Variants in ZNF536 observed in about 807,000 individuals in gnomAD.
ZNF536 encodes the protein zinc finger protein 536.
Under a neutral mutation model 84.5 loss-of-function variants are expected in ZNF536, and 13 were observed. That is an observed-to-expected ratio of 0.15 (90% CI 0.10 to 0.24). The LOEUF is 0.24. Ranked by LOEUF, ZNF536 falls within the 10% of genes least tolerant of loss-of-function variation. ZNF536 has a pLI of 1.00. For synonymous variants in ZNF536, 811 were observed against 742.5 expected (o/e 1.09, Z -1.50); for missense variants, 1,536 against 1,747.5 (o/e 0.88, Z 2.16).
intron 2 of ZNF536, among the ~76,000 whole-genome samples, chr19:30,456,915 G>C (rs556947296): frequency 6.1e-4 from 93 of 152,066 alleles, no homozygotes; most frequent in Admixed American, 1.2e-3. Context: ...GGTGGTGGGC[G>C]CCTGTAATCC....
intron 1 of ZNF536, among the ~76,000 whole-genome samples, chr19:30,431,706 A>C (rs916361860): frequency 1.3e-5 from 2 of 152,158 alleles, no homozygotes; most frequent in African/African-American, 4.8e-5. Flanking sequence ...AGGAGCAGGG[A>C]GGTGTAGCCT....
At chr19:30,395,377 G>A (rs2049772641) in intron 1 of ZNF536, among the ~76,000 whole-genome samples, 1 of 152,206 alleles carries the variant, frequency 6.6e-6, no homozygotes, top group Admixed American at 6.5e-5. Flanking sequence ...CTGGTTTGGG[G>A]TGGACCAGTT....
chr19:30,634,011 C>A (rs1248032066), intron 1 of ZNF536, among the ~76,000 whole-genome samples: 3 of 152,062 alleles, frequency 2.0e-5, no homozygotes, highest in Non-Finnish European at 2.9e-5. Context: ...TAAGCATGTG[C>A]CTGAAGTGAC....
intron 2 of ZNF536, among the ~76,000 whole-genome samples, chr19:30,478,715 C>G (rs1377570434): frequency 1.3e-5 from 2 of 152,128 alleles, no homozygotes. Context: ...GTGCATGGTC[C>G]CAGGATTCCT....
chr19:30,445,491 C>T lies in ZNF536; in HGVS notation c.1929C>T (p.Tyr643=), dbSNP rs2148226900. ...CPDCGRVFRT[Y]HQVVVHSRVH... ...ACTGCGGCCGGGTGTTCCGCACTTA[C>T]CACCAGGTGGTCGTGCACTCCCGTG... The change falls in exon 2 of 5, where the codon TAC becomes TAT. Residue 643 remains tyrosine (Y), a synonymous_variant. Coordinates refer to ENST00000355537, the MANE Select transcript of ZNF536 (RefSeq NM_014717.3). This position sits in a 1 kb window ranked among gnomAD's most constrained non-coding sequence, Gnocchi z 4.5. 6.2e-7 allele frequency: 1 copy of T among 1,614,152 alleles called. No individual in the cohort carries two copies. Among genetic ancestry groups the T allele is most frequent in the Non-Finnish European group, 8.5e-7 (1 of 1,180,034 alleles).
chr19:30,614,942 A>ATTTTTTTTTTTT lies in ZNF536; in HGVS notation c.169+65439_169+65450dup, dbSNP rs555419932. ...TTTTCTTTTATTCTCCCCCTTTTCA[A>ATTTTTTTTTTTT]TTTTTTTTTTTTTTTTTTTTTTGAG... On this transcript the variant is annotated intron_variant, in intron 1 of 1. Coordinates refer to the ZNF536 transcript ENST00000592773. Among the ~76,000 whole-genome samples, 47 of 32,310 alleles carry ATTTTTTTTTTTT rather than the reference A, an allele frequency of 1.5e-3. 8 individuals carry two copies. The highest frequency in any genetic ancestry group is 9.0e-3 in the East Asian group (3 of 334). 21.2% of individuals were successfully genotyped at this position (32,310 alleles called of 152,430 possible).
intron 2 of ZNF536, among the ~76,000 whole-genome samples, chr19:30,506,120 T>A (rs189295961): frequency 1.7e-3 from 262 of 152,142 alleles, no homozygotes; most frequent in African/African-American, 6.1e-3. Context: ...TGATTTCATT[T>A]ATGGAAAATG....
intron 2 of ZNF536, among the ~76,000 whole-genome samples, chr19:30,341,977 G>C (rs1459766299): frequency 6.6e-6 from 1 of 152,216 alleles, no homozygotes; most frequent in East Asian, 1.9e-4. Context: ...ATTTGGATCA[G>C]ATGACTTTAT....
chr19:30,251,555 A>T (rs948172705), intron 1 of ZNF536, among the ~76,000 whole-genome samples: 1 of 152,216 alleles, frequency 6.6e-6, no homozygotes, highest in Non-Finnish European at 1.5e-5. Context: ...ATTTAAAAAC[A>T]TCATATAGTA....
intron 2 of ZNF536, among the ~76,000 whole-genome samples, chr19:30,515,186 C>CA (rs1234457794): frequency 6.6e-6 from 1 of 152,126 alleles, no homozygotes; most frequent in East Asian, 1.9e-4. Context: ...CACTTGAGCC[C>CA]AGGAGTTCAA....
chr19:30,657,455 C>T (rs929650556), intron 1 of ZNF536, among the ~76,000 whole-genome samples: 1 of 152,222 alleles, frequency 6.6e-6, no homozygotes, highest in Non-Finnish European at 1.5e-5. Context: ...CCTGTGGCAG[C>T]TAGGAGACCA....
intron 1 of ZNF536, among the ~76,000 whole-genome samples, chr19:30,702,452 G>A (rs1056434471): frequency 1.3e-5 from 2 of 152,208 alleles, no homozygotes; most frequent in African/African-American, 4.8e-5. Flanking sequence ...AATGAGGTGG[G>A]GCGGGCAGTT....
chr19:30,246,110 G>A (rs1030938514), intron 1 of ZNF536, among the ~76,000 whole-genome samples: 1 of 152,162 alleles, frequency 6.6e-6, no homozygotes, highest in African/African-American at 2.4e-5. Flanking sequence ...GAGTGAGGTG[G>A]AGTAACCCCA....
chr19:30,571,003 G>A (rs1019831317), intron 1 of ZNF536, among the ~76,000 whole-genome samples: 1 of 152,182 alleles, frequency 6.6e-6, no homozygotes. Context: ...CTCAAAGGAA[G>A]ATAAGTGGGC....
At chr19:30,679,160 C>T (rs1015129532) in intron 1 of ZNF536, among the ~76,000 whole-genome samples, 5 of 152,114 alleles carry the variant, frequency 3.3e-5, no homozygotes, top group African/African-American at 7.2e-5. Context: ...GCATGGAGGT[C>T]GGTTCAATAC....
intron 2 of ZNF536, among the ~76,000 whole-genome samples, chr19:30,311,042 A>T (rs887952033): frequency 3.3e-5 from 5 of 152,058 alleles, no homozygotes; most frequent in African/African-American, 1.2e-4. Flanking sequence ...ATCCTGAGGG[A>T]GCCCTTGGTC....
intron 4 of ZNF536, chr19:30,556,499 C>G (rs764949515): frequency 6.6e-6 from 1 of 152,266 alleles, no homozygotes; most frequent in African/African-American, 2.4e-5. Context: ...GCATTCTTCT[C>G]CTGTTCTCCT....
chr19:30,232,164 C>T (rs1233199209), intron 1 of ZNF536, among the ~76,000 whole-genome samples: 1 of 152,094 alleles, frequency 6.6e-6, no homozygotes, highest in East Asian at 1.9e-4. Context: ...GGGGGCCTCC[C>T]CCGGCCAGTT....
chr19:30,706,212 C>T (rs745716436), intron 1 of ZNF536, among the ~76,000 whole-genome samples: 3 of 152,134 alleles, frequency 2.0e-5, no homozygotes, highest in Non-Finnish European at 4.4e-5. Flanking sequence ...TGGCTGGGCG[C>T]GGTGGCTCAC....
Sources: gnomAD v4.1 joint callset for allele counts (sites outside exome capture counted in the v4.1 genomes callset) on GRCh38, gnomAD v4.1.1 for gene constraint, Gnocchi (gnomAD v3.1) non-coding constraint, MANE v1.5 for transcripts, NCBI Gene and HGNC (gene_info 2026-07-23, HGNC 2026-07-21) for gene names.